Variants in NUP160 observed in about 807,000 individuals in gnomAD.
The protein encoded by NUP160 is nuclear pore complex protein Nup160.
A neutral mutation model predicts 196.9 loss-of-function variants in NUP160; 94 were observed. The observed-to-expected ratio is 0.48, with a 90% CI of 0.40 to 0.57. The LOEUF (loss-of-function observed/expected upper bound fraction) is 0.57. Among genes scored for constraint, NUP160 ranks in the 20% least tolerant of loss-of-function variants. The pLI is 0.00. For synonymous variants in NUP160, 605 were observed against 619.7 expected, an observed-to-expected ratio of 0.98 and a Z score of 0.35; for missense variants, 1,638 against 1,748.3, an observed-to-expected ratio of 0.94 and a Z score of 1.13.
intron 9 of NUP160, among the ~76,000 whole-genome samples, chr11:47,820,610 G>T (rs1851837795): frequency 6.6e-6 from 1 of 151,958 alleles, no homozygotes; most frequent in African/African-American, 2.4e-5. Context: ...TGGAGTGAAT[G>T]GCATGATCTT....
intron 20 of NUP160, among the ~76,000 whole-genome samples, chr11:47,805,644 C>T (rs1202052546): frequency 1.3e-5 from 2 of 151,746 alleles, no homozygotes; most frequent in Non-Finnish European, 2.9e-5. Context: ...GACAGGGTTT[C>T]ACCGTGTTGT....
At chr11:47,780,889 G>A (rs1324698793) in intron 34 of NUP160, among the ~76,000 whole-genome samples, 5 of 152,042 alleles carry the variant, frequency 3.3e-5, no homozygotes, top group South Asian at 2.1e-4. Flanking sequence ...TGCACACAAT[G>A]GGAACCCTCT....
At chr11:47,827,628 C>T (rs187577628) in intron 7 of NUP160, among the ~76,000 whole-genome samples, 40 of 151,860 alleles carry the variant, frequency 2.6e-4, no homozygotes, top group South Asian at 8.3e-4. Context: ...GTGGGAGAAT[C>T]GCTTGAACCA....
At chr11:47,814,070 C>A (rs1262973451) in intron 13 of NUP160, among the ~76,000 whole-genome samples, 153 of 39,860 alleles carry the variant, frequency 3.8e-3, no homozygotes, top group South Asian at 0.011. Context: ...GACTCTGTCT[C>A]AAAAAAAAAA....
At chr11:47,801,722 T>C in intron 23 of NUP160, 89 bp downstream of exon 23, 1 of 1,219,280 alleles carries the variant, frequency 8.2e-7, no homozygotes, top group Non-Finnish European at 1.2e-6. Flanking sequence ...TGAATTTTTA[T>C]AGTATTTTTC....
chr11:47,804,511 C>T lies in NUP160; in HGVS notation c.2676+38G>A. ...AAAAATTCAGCAATCCCATGCTTTA[C>T]AAGAATGTGTAGACATGAAATGTTC... On this transcript the variant is annotated intron_variant, in intron 21 of 35. Coordinates refer to ENST00000378460, the Ensembl canonical transcript of NUP160. The T allele has an allele frequency of 2.2e-6, 3 of 1,352,876 alleles. No individual in the cohort carries two copies. The East Asian group carries it at 7.9e-5, about 35-fold the overall frequency. The allele number at this position is 1,352,876 out of a possible 1,614,324, so 83.8% of individuals were successfully genotyped here. A position where few individuals can be genotyped will look rare whatever the true frequency, so the allele number is the denominator to read the frequency against.
At chr11:47,834,193 G>T (rs1485089350) in intron 7 of NUP160, among the ~76,000 whole-genome samples, 1 of 152,124 alleles carries the variant, frequency 6.6e-6, no homozygotes. Flanking sequence ...GCAGTTCTCG[G>T]TAAGAGTATA....
At position 47,821,135 on chromosome 11, in the gene NUP160, T is replaced by G. The variant is rs141150190; in HGVS notation, c.1277+589A>C. 1.4e-4 allele frequency among the ~76,000 whole-genome samples: 22 copies of G among 152,244 alleles called. No individual in the cohort carries two copies. The East Asian group carries it at 4.2e-3, about 29-fold the overall frequency. On this transcript the variant is annotated intron_variant, in intron 9 of 35. Coordinates refer to ENST00000378460, the Ensembl canonical transcript of NUP160. Reference sequence around the variant, plus strand: ...TTAGAAACAAAGAAAACTCCCAGATTAGAGGTATTTTGGATATGTGCTATC... The same window carrying G: ...TTAGAAACAAAGAAAACTCCCAGATGAGAGGTATTTTGGATATGTGCTATC...
At chr11:47,819,079 C>T (rs1198981839) in intron 10 of NUP160, among the ~76,000 whole-genome samples, 6 of 151,928 alleles carry the variant, frequency 3.9e-5, no homozygotes, top group East Asian at 3.9e-4. Context: ...TTTGGGAGGC[C>T]GAGGTGGGTG....
chr11:47,812,938 T>C (rs779456467), exon 15 of NUP160: 7 of 1,613,594 alleles, frequency 4.3e-6, no homozygotes, highest in Non-Finnish European at 5.9e-6. Flanking sequence ...CCGGAGACTG[T>C]AGGTTATAAC....
chr11:47,826,677 C>G (rs1782014864), intron 7 of NUP160, among the ~76,000 whole-genome samples: 1 of 151,914 alleles, frequency 6.6e-6, no homozygotes, highest in Admixed American at 6.6e-5. Context: ...ATTCTCCTGC[C>G]TCAGTCTCCC....
At position 47,808,261 on chromosome 11, in the gene NUP160, A is replaced by G. The variant is rs1196175857; in HGVS notation, c.2375+135T>C. 8.1e-6 allele frequency: 6 copies of G among 737,178 alleles called. No individual in the cohort carries two copies. In the South Asian group the frequency reaches 9.5e-5, roughly 12 times the overall value. 45.7% of individuals were successfully genotyped at this position (737,178 alleles called of 1,614,324 possible). ...ATGCCATTGCACTCCGGCCTGGGTGAGAGAGAGCGAGACTCTGTCTCAAAA... is the reference window on the plus strand; with the variant it reads ...ATGCCATTGCACTCCGGCCTGGGTGGGAGAGAGCGAGACTCTGTCTCAAAA... On this transcript the variant is annotated intron_variant, in intron 18 of 35. Coordinates refer to ENST00000378460, the Ensembl canonical transcript of NUP160.
At chr11:47,816,582 T>G (rs555551620) in intron 11 of NUP160, among the ~76,000 whole-genome samples, 35 of 152,176 alleles carry the variant, frequency 2.3e-4, no homozygotes, top group African/African-American at 8.4e-4. Context: ...CGAGACAAGC[T>G]TGGCCAATAT....
At chr11:47,788,262 C>G in exon 31 of NUP160, 1 of 1,613,988 alleles carries the variant, frequency 6.2e-7, no homozygotes. Flanking sequence ...CAAAGAGGCC[C>G]GCCTGAACCA....
At chr11:47,810,481 A>G (rs2097680472) in intron 17 of NUP160, among the ~76,000 whole-genome samples, 4 of 151,424 alleles carry the variant, frequency 2.6e-5, no homozygotes, top group Admixed American at 2.6e-4. Flanking sequence ...ATGAGCCACC[A>G]CATCTGGCCT....
intron 10 of NUP160, 152 bp from the exon 11 acceptor site, chr11:47,818,276 C>T (rs1204945518): frequency 3.5e-6 from 2 of 579,148 alleles, no homozygotes; most frequent in African/African-American, 3.7e-5. Context: ...CATGTTTTCA[C>T]ACTGAAAGTG....
chr11:47,832,906 G>C (rs951336761), intron 7 of NUP160, among the ~76,000 whole-genome samples: 2 of 152,186 alleles, frequency 1.3e-5, no homozygotes, highest in Non-Finnish European at 2.9e-5. Context: ...CCACTTATAT[G>C]ATTCCACTGA....
chr11:47,837,069 C>A, intron 5 of NUP160, 68 bp from the exon 6 acceptor site: 1 of 849,872 alleles, frequency 1.2e-6, no homozygotes, highest in South Asian at 1.6e-5. Context: ...ATTTGCAATT[C>A]AAGAAATATA....
chr11:47,809,582 C>CT (rs1415154298), intron 17 of NUP160, among the ~76,000 whole-genome samples: 2 of 151,856 alleles, frequency 1.3e-5, no homozygotes, highest in Non-Finnish European at 2.9e-5. Context: ...AACCCCATCT[C>CT]TATTAAAAAT....
Sources: allele counts gnomAD v4.1 joint callset (sites outside exome capture counted in the v4.1 genomes callset), GRCh38; gene constraint gnomAD v4.1.1; transcripts MANE v1.5; gene names NCBI Gene and HGNC (gene_info 2026-07-23, HGNC 2026-07-21).